The following TANGO6 variants were observed in gnomAD, a reference collection of about 807,000 sequenced individuals.
TANGO6 encodes the protein transport and Golgi organization protein 6 homolog.
Under a neutral mutation model 114.2 loss-of-function variants are expected in TANGO6, and 90 were observed. The ratio of observed to expected loss-of-function variants is 0.79; its 90% CI spans 0.66 to 0.94. The LOEUF (loss-of-function observed/expected upper bound fraction) is 0.94. Ranked by LOEUF, TANGO6 falls within the 40% of genes least tolerant of loss-of-function variation. The pLI is 0.00. For synonymous variants in TANGO6, 477 were observed against 509.8 expected (o/e 0.94, Z 0.87); for missense variants, 1,274 against 1,315.3 (o/e 0.97, Z 0.49).
chr16:68,851,221 G>T (rs534115032), intron 1 of TANGO6, among the ~76,000 whole-genome samples: 2 of 151,880 alleles, frequency 1.3e-5, no homozygotes, highest in African/African-American at 4.8e-5. Context: ...GTGCAGTGGC[G>T]CAATCTCGGC....
intron 17 of TANGO6, among the ~76,000 whole-genome samples, chr16:69,043,320 GTGTA>G (rs1359885207): frequency 7.3e-6 from 1 of 137,440 alleles, no homozygotes; most frequent in Non-Finnish European, 1.6e-5. Flanking sequence ...GTGTGTGTGT[GTGTA>G]GCAGAGGAAA....
intron 14 of TANGO6, among the ~76,000 whole-genome samples, chr16:68,963,121 C>CT (rs946919701): frequency 1.4e-3 from 191 of 136,172 alleles, no homozygotes; most frequent in African/African-American, 3.2e-3. Flanking sequence ...TGTCCTTGTG[C>CT]TTTTTTTTTT....
chr16:69,068,992 C>T (rs1308044231), intron 17 of TANGO6, among the ~76,000 whole-genome samples: 1 of 152,208 alleles, frequency 6.6e-6, no homozygotes, highest in Non-Finnish European at 1.5e-5. Flanking sequence ...GCTGGGATTA[C>T]AGGCATGAGC....
In TANGO6 at chr16:68,887,750, G is replaced by A. The variant is rs548642153; in HGVS notation, c.1377+7120G>A. Among the ~76,000 whole-genome samples, 9 of 152,080 alleles carry A rather than the reference G, an allele frequency of 5.9e-5. No individual in the cohort carries two copies. The South Asian group carries it at 1.5e-3, about 25-fold the overall frequency. On this transcript the variant is annotated intron_variant, in intron 7 of 17. Transcript: ENST00000261778. ...AAAAATTAGCCGGGCGTGGTGGCTC[G>A]TGCCTGTAATCCTACCTACTTGGGA...
At chr16:69,025,129 G>A (rs1156609726) in intron 16 of TANGO6, among the ~76,000 whole-genome samples, 1 of 152,326 alleles carries the variant, frequency 6.6e-6, no homozygotes, top group East Asian at 1.9e-4. Flanking sequence ...ACCTCTGGCT[G>A]GGAATGCCCG....
chr16:68,907,342 C>A, intron 9 of TANGO6, 101 bp from the exon 10 acceptor site: 1 of 1,240,676 alleles, frequency 8.1e-7, no homozygotes, highest in Non-Finnish European at 1.1e-6. Context: ...TAATGGTTAA[C>A]TGTTTGGACA....
chr16:69,042,917 A>G (rs181833849), intron 17 of TANGO6, among the ~76,000 whole-genome samples: 49 of 152,318 alleles, frequency 3.2e-4, no homozygotes, highest in Non-Finnish European at 6.3e-4. Flanking sequence ...ATTTCAAAGC[A>G]AAAATGTATT....
At chr16:68,949,880 AACAT>A (rs1277972348) in intron 14 of TANGO6, among the ~76,000 whole-genome samples, 1 of 152,164 alleles carries the variant, frequency 6.6e-6, no homozygotes, top group Non-Finnish European at 1.5e-5. Flanking sequence ...AAATTGAAAC[AACAT>A]ACATATTAAT....
At chr16:68,853,911 G>T (rs1001878743) in intron 1 of TANGO6, among the ~76,000 whole-genome samples, 1 of 152,040 alleles carries the variant, frequency 6.6e-6, no homozygotes, top group Non-Finnish European at 1.5e-5. Context: ...TATGCAGTTG[G>T]TCATTTGAAT....
intron 14 of TANGO6, among the ~76,000 whole-genome samples, chr16:68,973,318 G>T (rs1263808061): frequency 6.6e-6 from 1 of 151,844 alleles, no homozygotes; most frequent in Non-Finnish European, 1.5e-5. Flanking sequence ...TCTTTTTCCT[G>T]TTCTCTGCTA....
intron 16 of TANGO6, chr16:69,035,533 A>C (rs1216765201): frequency 6.6e-6 from 1 of 152,184 alleles, no homozygotes; most frequent in African/African-American, 2.4e-5. Flanking sequence ...TTATTTATAT[A>C]GTTCTGGTTA....
rs1959696053 is a variant in TANGO6, at chr16:69,036,840, G to A, written c.2995-3468G>A. Among the ~76,000 whole-genome samples the A allele has an allele frequency of 2.0e-5, 3 of 152,098 alleles. No individual in the cohort carries two copies. In the South Asian group the frequency reaches 6.2e-4, roughly 32 times the overall value. ...TAGCTATGCGTAGTGGTACACGCCTGTAGTCCCAGCTACTCCGGAGGCCGA... is the reference window on the plus strand; with the variant it reads ...TAGCTATGCGTAGTGGTACACGCCTATAGTCCCAGCTACTCCGGAGGCCGA... On this transcript the variant is annotated intron_variant, in intron 16 of 17. Transcript: ENST00000261778.
rs1567535149 is a variant in TANGO6 at position 68,900,456 on chromosome 16, CT to C, written c.1403del (p.Leu468Ter). 1 of 1,613,934 alleles carries C rather than the reference CT, an allele frequency of 6.2e-7. No individual in the cohort carries two copies. Among genetic ancestry groups the C allele is most frequent in the Admixed American group, 1.7e-5 (1 of 59,996 alleles). The stretch of plus-strand genomic sequence containing the variant: ...TAGGTGTACGTGGTTGGGAATGAAC[CT>C]TTAACAGTTTTGATGGATTCCCTGC... ...VFKVYVVGNE[P>X]LTVLMDSLLP... On this transcript the variant is annotated frameshift_variant, in exon 8 of 18. Transcript: ENST00000261778. LOFTEE classifies it high-confidence loss of function.
chr16:69,011,920 A>G (rs1055897519), intron 15 of TANGO6, among the ~76,000 whole-genome samples: 2 of 152,242 alleles, frequency 1.3e-5, no homozygotes, highest in African/African-American at 4.8e-5. Context: ...TCACAATGCC[A>G]GAATTGATAT....
At chr16:69,070,397 C>T (rs898971822) in intron 17 of TANGO6, among the ~76,000 whole-genome samples, 5 of 151,856 alleles carry the variant, frequency 3.3e-5, no homozygotes, top group African/African-American at 1.2e-4. Context: ...CTTTGGGAGG[C>T]CGAAGCGGGG....
intron 1 of TANGO6, among the ~76,000 whole-genome samples, chr16:68,851,454 G>A (rs1040966590): frequency 8.5e-5 from 13 of 152,114 alleles, no homozygotes; most frequent in South Asian, 4.1e-4. Context: ...CACCACGCCC[G>A]GCCTGCATCT....
intron 15 of TANGO6, among the ~76,000 whole-genome samples, chr16:69,007,952 T>C (rs1420598083): frequency 6.6e-6 from 1 of 152,218 alleles, no homozygotes; most frequent in African/African-American, 2.4e-5. Flanking sequence ...ATATCTTCTT[T>C]GGAGAAATGT....
At chr16:69,029,396 A>T (rs1293061532) in intron 16 of TANGO6, among the ~76,000 whole-genome samples, 1 of 152,232 alleles carries the variant, frequency 6.6e-6, no homozygotes, top group Non-Finnish European at 1.5e-5. Context: ...TATATGTTTG[A>T]TACAATGATT....
intron 1 of TANGO6, among the ~76,000 whole-genome samples, chr16:68,850,112 T>TA (rs1961877967): frequency 6.6e-6 from 1 of 151,692 alleles, no homozygotes; most frequent in Non-Finnish European, 1.5e-5. Context: ...TAGCTGGGAC[T>TA]ACAGGCATGT....
Sources: gnomAD v4.1 joint callset for allele counts (sites outside exome capture counted in the v4.1 genomes callset) on GRCh38, gnomAD v4.1.1 for gene constraint, MANE v1.5 for transcripts, NCBI Gene and HGNC (gene_info 2026-07-23, HGNC 2026-07-21) for gene names.